COL5A2: variants seen among roughly 807,000 people sequenced by gnomAD.
COL5A2 encodes collagen type V alpha 2 chain.
A neutral mutation model predicts 208.2 loss-of-function variants in COL5A2; 23 were observed. The ratio of observed to expected loss-of-function variants is 0.11; its 90% CI spans 0.08 to 0.16. The LOEUF (loss-of-function observed/expected upper bound fraction) is 0.16. Among genes scored for constraint, COL5A2 ranks in the 10% least tolerant of loss-of-function variants. The pLI is 1.00. For missense variants in COL5A2, 1,590 were observed against 1,956.4 expected, an observed-to-expected ratio of 0.81 and a Z score of 3.53; for synonymous variants, 625 against 628.5, an observed-to-expected ratio of 0.99 and a Z score of 0.08.
the COL5A2 span, among the ~76,000 whole-genome samples, chr2:189,390,615 A>G: frequency 9.6e-4 from 147 of 152,352 alleles, 2 homozygotes; most frequent in African/African-American, 3.2e-3. Context: ...TAGGCATAAA[A>G]AGTTTGGATT....
chr2:189,230,701 G>A, the COL5A2 span, among the ~76,000 whole-genome samples: 23 of 151,952 alleles, frequency 1.5e-4, no homozygotes, highest in Non-Finnish European at 8.8e-5. Context: ...ACTAGTGTTA[G>A]CAAAGATGTA....
chr2:189,231,712 G>C, the COL5A2 span, among the ~76,000 whole-genome samples: 1 of 151,724 alleles, frequency 6.6e-6, no homozygotes, highest in Non-Finnish European at 1.5e-5. Flanking sequence ...TGAATGTGTA[G>C]AAGCTATTAG....
the COL5A2 span, among the ~76,000 whole-genome samples, chr2:189,327,057 C>A: frequency 2.7e-5 from 4 of 149,176 alleles, no homozygotes; most frequent in Middle Eastern, 3.5e-3. Flanking sequence ...GGTGACAGAG[C>A]AAGATTCTGT....
exon 1 of COL5A2, among the ~76,000 whole-genome samples, chr2:189,225,156 G>T (rs1689397505): frequency 6.6e-6 from 1 of 152,088 alleles, no homozygotes. Context: ...ACCACCAGTG[G>T]CTCGATGTTG....
the COL5A2 span, among the ~76,000 whole-genome samples, chr2:189,365,120 T>C: frequency 6.6e-6 from 1 of 152,228 alleles, no homozygotes; most frequent in Non-Finnish European, 1.5e-5. Context: ...AGCCAATCTG[T>C]AATTTGTTAT....
At chr2:189,096,903 C>A (rs1338132633) in intron 6 of COL5A2, among the ~76,000 whole-genome samples, 1 of 152,110 alleles carries the variant, frequency 6.6e-6, no homozygotes, top group Non-Finnish European at 1.5e-5. Context: ...TGTGCAACCA[C>A]TTGAAAGAAA....
At chr2:189,092,275 C>T (rs766203417) in intron 7 of COL5A2, 35 bp downstream of exon 7, 4 of 1,236,652 alleles carry the variant, frequency 3.2e-6, no homozygotes, top group Middle Eastern at 1.9e-4. Context: ...TAAAACATGA[C>T]CTGTACGTGA....
At chr2:189,403,545 A>G in the COL5A2 span, among the ~76,000 whole-genome samples, 126,809 of 152,154 alleles carry the variant, frequency 0.83, 54,579 homozygotes, top group Non-Finnish European at 0.95. Context: ...TATGATATTG[A>G]TTGTGGGTTT....
chr2:189,329,871 A>C, the COL5A2 span, among the ~76,000 whole-genome samples: 1 of 152,174 alleles, frequency 6.6e-6, no homozygotes, highest in Admixed American at 6.5e-5. Flanking sequence ...CTCTCACTCT[A>C]ACCAATACAA....
At chr2:189,151,154 A>T (rs1688133874) in intron 1 of COL5A2, among the ~76,000 whole-genome samples, 1 of 152,124 alleles carries the variant, frequency 6.6e-6, no homozygotes, top group Admixed American at 6.5e-5. Flanking sequence ...CACTGCAAAC[A>T]TTTTAAGACA....
At chr2:189,168,465 A>G (rs1160779826) in intron 1 of COL5A2, among the ~76,000 whole-genome samples, 1 of 152,076 alleles carries the variant, frequency 6.6e-6, no homozygotes, top group Non-Finnish European at 1.5e-5. Flanking sequence ...CTGAAACTTC[A>G]TCACAACATG....
chr2:189,187,923 C>T (rs1394513925), intron 1 of COL5A2, among the ~76,000 whole-genome samples: 9 of 150,330 alleles, frequency 6.0e-5, no homozygotes, highest in Admixed American at 2.7e-4. Context: ...GAACCAAGAT[C>T]GCGCCACTGC....
the COL5A2 span, among the ~76,000 whole-genome samples, chr2:189,337,305 C>T: frequency 1.3e-5 from 2 of 150,258 alleles, no homozygotes; most frequent in Admixed American, 6.6e-5. Context: ...GCCTCAGCCT[C>T]CCAAGTAGCT....
chr2:189,074,470 A>G (rs1421617389), intron 17 of COL5A2, among the ~76,000 whole-genome samples: 1 of 152,020 alleles, frequency 6.6e-6, no homozygotes, highest in East Asian at 1.9e-4. Context: ...ACACACTGAG[A>G]CCTCATCATT....
At position 189,033,577 on chromosome 2, in the gene COL5A2, AC is replaced by A; in HGVS notation, c.*492del. Reference sequence around the variant, plus strand: ...CTCGATCACAAGTTAAACATTTTAAACTCATTTTTAATTGACAATCTTGGAA... The same window carrying A: ...CTCGATCACAAGTTAAACATTTTAAATCATTTTTAATTGACAATCTTGGAA... On this transcript the variant is annotated 3_prime_UTR_variant, in exon 54 of 54. Coordinates refer to ENST00000374866, the MANE Select transcript of COL5A2 (RefSeq NM_000393.5). The A allele has an allele frequency of 5.7e-6, 1 of 174,830 alleles. No homozygotes were observed. 10.8% of individuals were successfully genotyped at this position (174,830 alleles called of 1,614,324 possible). A position where few individuals can be genotyped will look rare whatever the true frequency, so the allele number is the denominator to read the frequency against.
chr2:189,143,492 C>T lies in COL5A2; in HGVS notation c.98-33043G>A, dbSNP rs115952662. On this transcript the variant is annotated intron_variant, in intron 1 of 53. Coordinates refer to ENST00000374866, the MANE Select transcript of COL5A2 (RefSeq NM_000393.5). ...TGTAAAATTTTCTGCCTAACTTAAT[C>T]CCATCCTAATAAAGTCTCTCTCATA... Among the ~76,000 whole-genome samples the T allele has an allele frequency of 1.9e-3, 291 of 152,266 alleles. 1 individual carries two copies. Among genetic ancestry groups the T allele is most frequent in the African/African-American group, 6.5e-3 (271 of 41,562 alleles).
chr2:189,042,724 G>T lies in COL5A2; in HGVS notation c.3521C>A (p.Pro1174Gln). Reference protein sequence around the residue: ...GSAGIPGPFGPRGPPGPVGPS... With the variant: ...GSAGIPGPFGQRGPPGPVGPS... ...TTACTACTTTTTGTTACTTACTCTT[G>T]GGCCAAATGGTCCAGGGATTCCAGC... Residue 1174 changes from proline (P) to glutamine (Q), a missense_variant, in exon 49 of 54, where the codon CCA becomes CAA. Coordinates refer to ENST00000374866, the MANE Select transcript of COL5A2 (RefSeq NM_000393.5). 1 of 1,607,162 alleles carries T rather than the reference G, an allele frequency of 6.2e-7. No individual in the cohort carries two copies. The highest frequency in any genetic ancestry group is 8.5e-7 in the Non-Finnish European group (1 of 1,176,014).
chr2:189,105,657 C>T (rs1052518351), intron 2 of COL5A2, among the ~76,000 whole-genome samples: 3 of 151,284 alleles, frequency 2.0e-5, no homozygotes, highest in African/African-American at 4.8e-5. Flanking sequence ...TTTTGTGTCA[C>T]ACAAATGTTT....
chr2:189,439,321 T>C, the COL5A2 span, among the ~76,000 whole-genome samples: 1 of 152,240 alleles, frequency 6.6e-6, no homozygotes, highest in Non-Finnish European at 1.5e-5. Flanking sequence ...TGGCATATAC[T>C]AGGCACTTAG....
Sources: gnomAD v4.1 joint callset for allele counts (sites outside exome capture counted in the v4.1 genomes callset) on GRCh38, gnomAD v4.1.1 for gene constraint, MANE v1.5 for transcripts, NCBI Gene and HGNC (gene_info 2026-07-23, HGNC 2026-07-21) for gene names.